CDH4: variants seen among roughly 807,000 people sequenced by gnomAD.
CDH4 encodes the protein cadherin-4.
CDH4 carries 33 observed loss-of-function variants against 86.0 expected under a neutral mutation model. That is an observed-to-expected ratio of 0.38 (90% CI 0.29 to 0.51). The LOEUF (loss-of-function observed/expected upper bound fraction) is 0.51, where lower values mean the gene tolerates loss of function less well. Among genes scored for constraint, CDH4 ranks in the 20% least tolerant of loss-of-function variants. CDH4 has a pLI of 0.86. For synonymous variants in CDH4, 555 were observed against 549.4 expected, an observed-to-expected ratio of 1.01 and a Z score of -0.14; for missense variants, 1,114 against 1,307.4, an observed-to-expected ratio of 0.85 and a Z score of 2.28.
At chr20:61,669,950 A>G (rs113731646) in intron 2 of CDH4, among the ~76,000 whole-genome samples, 5 of 152,156 alleles carry the variant, frequency 3.3e-5, no homozygotes, top group African/African-American at 1.2e-4. Context: ...GCAGCCTGAG[A>G]CAGTGTGGAC....
At chr20:61,634,197 T>TGG (rs935553073) in intron 2 of CDH4, among the ~76,000 whole-genome samples, 8 of 152,226 alleles carry the variant, frequency 5.3e-5, no homozygotes, top group African/African-American at 1.9e-4. Flanking sequence ...GCTCAGGGCA[T>TGG]GGGCCACCCC....
intron 2 of CDH4, among the ~76,000 whole-genome samples, chr20:61,488,072 C>T (rs543912490): frequency 6.6e-6 from 1 of 152,348 alleles, no homozygotes; most frequent in South Asian, 2.1e-4. Flanking sequence ...GACAATCACT[C>T]AGTGCCATTT....
In CDH4 at chr20:61,849,287, G is replaced by A. The variant is rs548673822; in HGVS notation, c.733-3467G>A. On this transcript the variant is annotated intron_variant, in intron 5 of 15. Transcript: ENST00000614565. Reference sequence around the variant, plus strand: ...CAGACTCCAGTGTGACCCCAACTCCGGATTTCCACCTTGTAGGATGCCCAC... The same window carrying A: ...CAGACTCCAGTGTGACCCCAACTCCAGATTTCCACCTTGTAGGATGCCCAC... Among the ~76,000 whole-genome samples, 44 of 152,246 alleles carry A rather than the reference G, an allele frequency of 2.9e-4. No homozygotes were observed. The South Asian group carries it at 4.8e-3, about 17-fold the overall frequency.
chr20:61,429,753 G>T (rs1274352401), intron 2 of CDH4, among the ~76,000 whole-genome samples: 1 of 147,940 alleles, frequency 6.8e-6, no homozygotes, highest in Admixed American at 6.7e-5. Flanking sequence ...ATGGATAGGT[G>T]TGTGGATGGA....
chr20:61,430,332 C>A (rs898608295), intron 2 of CDH4, among the ~76,000 whole-genome samples: 3 of 152,202 alleles, frequency 2.0e-5, no homozygotes, highest in Non-Finnish European at 4.4e-5. Context: ...CAACCTCCCC[C>A]ACACCTGAGT....
intron 2 of CDH4, among the ~76,000 whole-genome samples, chr20:61,723,147 T>C (rs2088061606): frequency 6.6e-6 from 1 of 152,160 alleles, no homozygotes; most frequent in Non-Finnish European, 1.5e-5. Context: ...TCCCAGAGGA[T>C]CAGAGTCCTT....
chr20:61,351,724 CTTT>C (rs11288531), intron 2 of CDH4, among the ~76,000 whole-genome samples: 3 of 144,902 alleles, frequency 2.1e-5, no homozygotes, highest in Non-Finnish European at 3.0e-5. Flanking sequence ...TTTTATTTAT[CTTT>C]TTTTTTTTTG....
chr20:61,442,604 G>T (rs989109132), intron 2 of CDH4, among the ~76,000 whole-genome samples: 4 of 152,222 alleles, frequency 2.6e-5, no homozygotes, highest in African/African-American at 9.6e-5. Flanking sequence ...GGGGCAGAAG[G>T]CTGCGTTACA....
At chr20:61,694,406 C>A (rs186229855) in intron 2 of CDH4, among the ~76,000 whole-genome samples, 55 of 152,252 alleles carry the variant, frequency 3.6e-4, no homozygotes, top group Non-Finnish European at 1.2e-4. Flanking sequence ...AAAATCACTT[C>A]GCAGGGTGGT....
intron 5 of CDH4, among the ~76,000 whole-genome samples, chr20:61,847,120 C>T (rs1982493547): frequency 6.6e-6 from 1 of 152,218 alleles, no homozygotes; most frequent in African/African-American, 2.4e-5. Context: ...GCCCTCCCTG[C>T]ATCATCCCCA....
At chr20:61,597,875 A>G (rs1465317263) in intron 2 of CDH4, among the ~76,000 whole-genome samples, 2 of 152,206 alleles carry the variant, frequency 1.3e-5, no homozygotes, top group African/African-American at 2.4e-5. Context: ...CTCAGAGGGC[A>G]GGGACGGAAC....
In CDH4 at chr20:61,924,449, G is replaced by A. The variant is rs773008947; in HGVS notation, c.1744G>A (p.Glu582Lys). The change falls in exon 11 of 16, where the codon GAG (glutamate) becomes AAG (lysine). Residue 582 changes from glutamate to lysine, a missense_variant. Transcript: ENST00000614565. ...CCTCTACACCAAAAACAACGTCTAC[G>A]AGGCCACCTTCCTGGCAGCTGACAA... ...ESLYTKNNVY[E>K]ATFLAADNGI... is the part of the protein sequence containing the mutation. 9.3e-6 allele frequency: 15 copies of A among 1,613,528 alleles called. No homozygotes were observed. The highest frequency in any genetic ancestry group is 1.6e-4 in the Middle Eastern group (1 of 6,082).
chr20:61,351,354 G>A (rs2084711324), intron 2 of CDH4, among the ~76,000 whole-genome samples: 1 of 152,160 alleles, frequency 6.6e-6, no homozygotes, highest in South Asian at 2.1e-4. Context: ...CTATGCGAGG[G>A]GGTGCCTGGA....
chr20:61,939,720 G>C lies in CDH4; in HGVS notation c.*2777G>C, dbSNP rs2055240970. 1 of 152,304 alleles carries C rather than the reference G, an allele frequency of 6.6e-6. No homozygotes were observed. The highest frequency in any genetic ancestry group is 6.5e-5 in the Admixed American group (1 of 15,294). 9.4% of individuals were successfully genotyped at this position (152,304 alleles called of 1,614,324 possible). ...TGGCCAGGTGCGAGGGCATGGTTTG[G>C]TTCCTTTAGGGAATTTTTGTTTTGC... On this transcript the variant is annotated 3_prime_UTR_variant, in exon 16 of 16. Coordinates refer to ENST00000614565, the MANE Select transcript of CDH4 (RefSeq NM_001794.5).
At chr20:61,505,677 G>A (rs137874837) in intron 2 of CDH4, among the ~76,000 whole-genome samples, 2 of 143,268 alleles carry the variant, frequency 1.4e-5, no homozygotes, top group East Asian at 3.9e-4. Flanking sequence ...GATTGACCCT[G>A]TGCTTGGCAT....
chr20:61,913,148 A>G (rs2054869051), intron 9 of CDH4, among the ~76,000 whole-genome samples: 1 of 152,062 alleles, frequency 6.6e-6, no homozygotes, highest in Non-Finnish European at 1.5e-5. Flanking sequence ...GCCCCAGGAG[A>G]TCAGCACCTG....
At chr20:61,540,262 C>A (rs1171348346) in intron 2 of CDH4, among the ~76,000 whole-genome samples, 1 of 152,098 alleles carries the variant, frequency 6.6e-6, no homozygotes, top group African/African-American at 2.4e-5. Context: ...GGAAGAATTT[C>A]CTTTATTGAA....
At chr20:61,871,428 G>A (rs560481844) in intron 6 of CDH4, among the ~76,000 whole-genome samples, 3 of 152,092 alleles carry the variant, frequency 2.0e-5, no homozygotes, top group African/African-American at 7.2e-5. Context: ...CCCTCTCCAC[G>A]AATGATTTCT....
intron 6 of CDH4, among the ~76,000 whole-genome samples, chr20:61,860,453 C>T (rs1461516980): frequency 6.6e-6 from 1 of 152,218 alleles, no homozygotes; most frequent in Admixed American, 6.5e-5. Context: ...TGGGATGGGC[C>T]AACCATGGCC....
Sources: allele counts gnomAD v4.1 joint callset (sites outside exome capture counted in the v4.1 genomes callset), GRCh38; gene constraint gnomAD v4.1.1; transcripts MANE v1.5; gene names NCBI Gene and HGNC (gene_info 2026-07-23, HGNC 2026-07-21).